The following WDR49 variants were observed in gnomAD, a reference collection of about 807,000 sequenced individuals.
WDR49 encodes WD repeat domain 49, also known as cilia- and flagella-associated protein 337.
Under a neutral mutation model 119.5 loss-of-function variants are expected in WDR49, and 107 were observed. That is an observed-to-expected ratio of 0.90 (90% CI 0.77 to 1.05). WDR49 has a LOEUF of 1.05. WDR49 is among the 50% of genes least tolerant of loss of function. The pLI, the probability that WDR49 is intolerant of heterozygous loss-of-function variation, is 0.00. For missense variants in WDR49, 1,240 were observed against 1,220.5 expected (o/e 1.02, Z -0.24); for synonymous variants, 425 against 418.8 (o/e 1.01, Z -0.18).
rs537401911 is a variant in WDR49, at chr3:167,513,039, A to T, written c.2775-7623T>A. 9.8e-5 allele frequency among the ~76,000 whole-genome samples: 15 copies of T among 152,360 alleles called. No homozygotes were observed. In the South Asian group the frequency reaches 2.9e-3, roughly 29 times the overall value. ...GTTGGAAAACATACTTCAGGATATC[A>T]TCCAGGAGAACTTTCTCAACCTAGC... is the stretch of plus-strand genomic sequence containing the variant. On this transcript the variant is annotated intron_variant, in intron 16 of 18. Transcript: ENST00000682715.
Position 167,484,789 on chromosome 3 carries a change from T to TA in WDR49, c.3032-5794dup, listed in dbSNP as rs112088975. Among the ~76,000 whole-genome samples the TA allele has an allele frequency of 4.8e-3, 683 of 142,224 alleles. 2 individuals are homozygous for TA. The highest frequency in any genetic ancestry group is 0.015 in the African/African-American group (570 of 38,886). The allele number at this position is 142,224 out of a possible 152,430, so 93.3% of individuals were successfully genotyped here. A position where few individuals can be genotyped will look rare whatever the true frequency, so the allele number is the denominator to read the frequency against. ...GCTGGAGATGGTGGAATACCACGGG[T>TA]AAAAAAAAAAAATTATGAACCAGAA... On this transcript the variant is annotated intron_variant, in intron 18 of 18. Transcript: ENST00000682715.
At chr3:167,602,068 G>T in intron 7 of WDR49, 59 bp downstream of exon 7, 2 of 1,510,896 alleles carry the variant, frequency 1.3e-6, no homozygotes, top group Non-Finnish European at 9.0e-7. Flanking sequence ...TCCCAGAGTT[G>T]ATTTGGGTAG....
intron 10 of WDR49, among the ~76,000 whole-genome samples, chr3:167,550,637 T>C (rs995271529): frequency 3.3e-5 from 5 of 151,960 alleles, no homozygotes; most frequent in African/African-American, 4.8e-5. Flanking sequence ...TATCAAGACA[T>C]CACCTTGTAT....
At chr3:167,490,887 T>C (rs749885680) in intron 18 of WDR49, among the ~76,000 whole-genome samples, 22 of 152,156 alleles carry the variant, frequency 1.4e-4, no homozygotes, top group Admixed American at 3.3e-4. Flanking sequence ...ACTGGTCTGC[T>C]ACCTTGCACA....
At chr3:167,497,148 C>T (rs1300601234) in intron 18 of WDR49, among the ~76,000 whole-genome samples, 2 of 152,128 alleles carry the variant, frequency 1.3e-5, no homozygotes, top group Non-Finnish European at 2.9e-5. Context: ...TTTTTCCTGG[C>T]ATTTTCATGG....
intron 7 of WDR49, among the ~76,000 whole-genome samples, chr3:167,583,207 A>G (rs922274080): frequency 1.3e-5 from 2 of 152,132 alleles, no homozygotes; most frequent in Non-Finnish European, 2.9e-5. Context: ...TTCAAAGATC[A>G]CAGCTCCTCT....
intron 7 of WDR49, among the ~76,000 whole-genome samples, chr3:167,592,636 T>C (rs1417128635): frequency 1.3e-5 from 2 of 152,098 alleles, no homozygotes; most frequent in African/African-American, 4.8e-5. Context: ...GGTTTCACCA[T>C]GTTGGGCAGG....
chr3:167,645,161 T>C (rs1470272101), intron 2 of WDR49, among the ~76,000 whole-genome samples: 1 of 151,918 alleles, frequency 6.6e-6, no homozygotes, highest in Non-Finnish European at 1.5e-5. Context: ...GCTTGGATTT[T>C]TTACCATGAG....
intron 10 of WDR49, among the ~76,000 whole-genome samples, chr3:167,540,897 T>C (rs972583907): frequency 3.3e-5 from 5 of 151,748 alleles, no homozygotes; most frequent in African/African-American, 1.2e-4. Context: ...CACTTAAAGA[T>C]ATAGAAAATG....
At chr3:167,496,669 G>C (rs946119901) in intron 18 of WDR49, among the ~76,000 whole-genome samples, 3 of 152,024 alleles carry the variant, frequency 2.0e-5, no homozygotes, top group Admixed American at 2.0e-4. Context: ...CTGAAGGCTA[G>C]GTATCTACAT....
chr3:167,604,266 A>G, intron 6 of WDR49, 35 bp downstream of exon 6: 3 of 1,607,740 alleles, frequency 1.9e-6, no homozygotes, highest in Non-Finnish European at 2.5e-6. Context: ...ACTATTTATG[A>G]GGCCCTCATA....
intron 5 of WDR49, among the ~76,000 whole-genome samples, chr3:167,612,471 A>C (rs1221518631): frequency 6.6e-6 from 1 of 152,084 alleles, no homozygotes; most frequent in Admixed American, 6.5e-5. Flanking sequence ...GAAAAGAAAT[A>C]ATAAAGATCA....
intron 16 of WDR49, among the ~76,000 whole-genome samples, chr3:167,516,849 T>C (rs559237577): frequency 2.0e-5 from 3 of 152,118 alleles, no homozygotes; most frequent in Admixed American, 2.0e-4. Flanking sequence ...GAATCTACAA[T>C]GAACTCAAAC....
chr3:167,645,180 T>C (rs957967456), intron 2 of WDR49, among the ~76,000 whole-genome samples: 1 of 151,818 alleles, frequency 6.6e-6, no homozygotes, highest in East Asian at 1.9e-4. Context: ...AGAATAATGT[T>C]ACTTTTATTT....
At chr3:167,597,626 C>T (rs1281696547) in intron 7 of WDR49, among the ~76,000 whole-genome samples, 1 of 152,174 alleles carries the variant, frequency 6.6e-6, no homozygotes, top group African/African-American at 2.4e-5. Flanking sequence ...GGATGGTACC[C>T]TGCAGAGCCA....
chr3:167,584,741 A>G (rs1274997982), intron 7 of WDR49, among the ~76,000 whole-genome samples: 1 of 152,128 alleles, frequency 6.6e-6, no homozygotes, highest in East Asian at 1.9e-4. Context: ...AAATCTACAC[A>G]AAAATGAACC....
intron 16 of WDR49, among the ~76,000 whole-genome samples, chr3:167,515,184 C>T (rs565755116): frequency 4.0e-4 from 61 of 151,874 alleles, no homozygotes; most frequent in Middle Eastern, 3.4e-3. Flanking sequence ...AACAAAACAA[C>T]GAAAAAAGAA....
chr3:167,522,296 A>G lies in WDR49; in HGVS notation c.2774+19T>C, dbSNP rs1012796085. ...TCTAGACTTCAGTTGACATCTGGCT[A>G]ATGTTCAAAATTACTTACTTGTATG... On this transcript the variant is annotated intron_variant, in intron 16 of 18. Coordinates refer to ENST00000682715, the MANE Select transcript of WDR49 (RefSeq NM_001366157.1). 11 of 1,559,894 alleles carry G rather than the reference A, an allele frequency of 7.1e-6. No individual in the cohort carries two copies. The highest frequency in any genetic ancestry group is 9.5e-6 in the Non-Finnish European group (11 of 1,163,096).
At chr3:167,617,871 A>T (rs1716677130) in intron 5 of WDR49, among the ~76,000 whole-genome samples, 1 of 152,150 alleles carries the variant, frequency 6.6e-6, no homozygotes, top group African/African-American at 2.4e-5. Context: ...AGCCAGTCTG[A>T]TTGCAGTTTC....
Sources: allele counts gnomAD v4.1 joint callset (sites outside exome capture counted in the v4.1 genomes callset), GRCh38; gene constraint gnomAD v4.1.1; transcripts MANE v1.5; gene names NCBI Gene and HGNC (gene_info 2026-07-23, HGNC 2026-07-21).